METTL24: variants seen among roughly 807,000 people sequenced by gnomAD.
METTL24 encodes the protein methyltransferase like 24, also known as probable methyltransferase-like protein 24.
METTL24 carries 29 observed loss-of-function variants against 32.7 expected under a neutral mutation model. The ratio of observed to expected loss-of-function variants is 0.89; its 90% CI spans 0.66 to 1.21. The LOEUF (loss-of-function observed/expected upper bound fraction) is 1.21, where lower values mean the gene tolerates loss of function less well. Ranked by LOEUF, METTL24 falls within the 50% of genes most tolerant of loss-of-function variation. The probability of loss-of-function intolerance (pLI) is 0.00; values close to 1 mark genes in which losing one functional copy is unlikely to be tolerated. For synonymous variants in METTL24, 163 were observed against 179.5 expected (o/e 0.91, Z 0.73); for missense variants, 439 against 468.1 (o/e 0.94, Z 0.57).
intron 4 of METTL24, among the ~76,000 whole-genome samples, chr6:110,294,541 A>C (rs1771376712): frequency 6.6e-6 from 1 of 152,066 alleles, no homozygotes; most frequent in Non-Finnish European, 1.5e-5. Context: ...GTTAGTCCCA[A>C]TATGCCAGTA....
chr6:110,321,559 G>T (rs771280679), intron 2 of METTL24, among the ~76,000 whole-genome samples: 1 of 152,150 alleles, frequency 6.6e-6, no homozygotes. Context: ...TATCGTTCAT[G>T]TAAAATCAAA....
intron 4 of METTL24, among the ~76,000 whole-genome samples, chr6:110,288,225 T>G (rs1771258301): frequency 6.6e-6 from 1 of 152,116 alleles, no homozygotes; most frequent in South Asian, 2.1e-4. Context: ...CTGGTCCTGT[T>G]TCTCCAAGAG....
chr6:110,268,516 T>G (rs1391867613), intron 4 of METTL24, among the ~76,000 whole-genome samples: 3 of 152,218 alleles, frequency 2.0e-5, no homozygotes, highest in Non-Finnish European at 4.4e-5. Context: ...ACTTCCAGCA[T>G]GTGCATGGCC....
chr6:110,307,373 T>C (rs115933605), intron 3 of METTL24, among the ~76,000 whole-genome samples: 1,805 of 152,356 alleles, frequency 0.012, 41 homozygotes, highest in African/African-American at 0.04. Flanking sequence ...GTTCTGCTGC[T>C]ATTTAACTAG....
intron 3 of METTL24, among the ~76,000 whole-genome samples, chr6:110,300,077 A>G (rs1479029577): frequency 6.6e-6 from 1 of 152,188 alleles, no homozygotes; most frequent in East Asian, 1.9e-4. Flanking sequence ...TTGTAAGTGG[A>G]TGTTTTTCAA....
intron 2 of METTL24, among the ~76,000 whole-genome samples, chr6:110,317,673 C>A (rs1224713415): frequency 6.6e-6 from 1 of 152,050 alleles, no homozygotes; most frequent in Non-Finnish European, 1.5e-5. Flanking sequence ...TCCCTAAACA[C>A]CTCCATAATG....
chr6:110,306,714 T>C (rs1397410642), intron 3 of METTL24, among the ~76,000 whole-genome samples: 1 of 152,202 alleles, frequency 6.6e-6, no homozygotes, highest in Non-Finnish European at 1.5e-5. Flanking sequence ...TCTTCAAGCA[T>C]AGTTGAAATT....
At chr6:110,339,592 T>C (rs984461346) in intron 1 of METTL24, among the ~76,000 whole-genome samples, 4 of 152,196 alleles carry the variant, frequency 2.6e-5, no homozygotes, top group African/African-American at 7.2e-5. Context: ...GTGGGTGATA[T>C]AGTATAGATG....
At chr6:110,294,646 G>A (rs9481052) in intron 4 of METTL24, among the ~76,000 whole-genome samples, 27,917 of 151,946 alleles carry the variant, frequency 0.18, 6,088 homozygotes, top group African/African-American at 0.53. Context: ...TATATTGAAT[G>A]CACTGCTCTT....
chr6:110,268,666 T>C lies in METTL24; in HGVS notation c.787-22406A>G, dbSNP rs1222919987. Among the ~76,000 whole-genome samples, 6 of 152,168 alleles carry C rather than the reference T, an allele frequency of 3.9e-5. No individual in the cohort carries two copies. In the South Asian group the frequency reaches 1.2e-3, roughly 32 times the overall value. On this transcript the variant is annotated intron_variant, in intron 4 of 4. Transcript: ENST00000338882. ...CACCTCCTTGTTCCATGGACTTTTT[T>C]TTAGAGTAATGACATTGCCATTCCT... is the stretch of plus-strand genomic sequence containing the variant.
chr6:110,330,183 G>A (rs1045714153), intron 1 of METTL24, among the ~76,000 whole-genome samples: 3 of 152,088 alleles, frequency 2.0e-5, no homozygotes, highest in African/African-American at 7.2e-5. Flanking sequence ...TCCTTTCTCC[G>A]TTCTTGCAAG....
At chr6:110,315,744 G>T (rs1027960171) in intron 2 of METTL24, among the ~76,000 whole-genome samples, 1 of 152,180 alleles carries the variant, frequency 6.6e-6, no homozygotes, top group Non-Finnish European at 1.5e-5. Flanking sequence ...TGTGCACAGG[G>T]TGTGCAGGAG....
intron 4 of METTL24, among the ~76,000 whole-genome samples, chr6:110,296,535 A>G (rs749408791): frequency 1.3e-5 from 2 of 152,228 alleles, no homozygotes; most frequent in Admixed American, 6.5e-5. Context: ...TTTTAAAAGC[A>G]GTACAAAAGC....
chr6:110,256,619 C>G (rs888759257), intron 4 of METTL24, among the ~76,000 whole-genome samples: 36 of 152,298 alleles, frequency 2.4e-4, no homozygotes, highest in Non-Finnish European at 2.5e-4. Flanking sequence ...CACCCTCCCC[C>G]TGGCCTTCCA....
At chr6:110,344,868 G>A (rs571001807) in intron 1 of METTL24, among the ~76,000 whole-genome samples, 35 of 152,318 alleles carry the variant, frequency 2.3e-4, no homozygotes, top group Admixed American at 1.2e-3. Context: ...ACACAGGAAC[G>A]AGCAAAGACT....
At chr6:110,337,712 C>A (rs575617857) in intron 1 of METTL24, among the ~76,000 whole-genome samples, 1 of 152,222 alleles carries the variant, frequency 6.6e-6, no homozygotes, top group Non-Finnish European at 1.5e-5. Context: ...ACTTTTCCTC[C>A]TGCCCAGAAT....
rs536002208 is a variant in METTL24, at chr6:110,269,511, T to C, written c.787-23251A>G. Among the ~76,000 whole-genome samples the C allele has an allele frequency of 6.6e-5, 10 of 152,318 alleles. No homozygotes were observed. In the East Asian group the frequency reaches 1.5e-3, roughly 23 times the overall value. On this transcript the variant is annotated intron_variant, in intron 4 of 4. Coordinates refer to ENST00000338882, the MANE Select transcript of METTL24 (RefSeq NM_001123364.3). ...GCTGTCCCGAGACTTTTTGATCCCA[T>C]AGTAGTAAAAATGCACCCACACAAT...
At chr6:110,318,884 G>C (rs1771877927) in intron 2 of METTL24, among the ~76,000 whole-genome samples, 1 of 152,060 alleles carries the variant, frequency 6.6e-6, no homozygotes, top group Non-Finnish European at 1.5e-5. Flanking sequence ...AAATAAGTGA[G>C]GGCAGTAACT....
intron 4 of METTL24, among the ~76,000 whole-genome samples, chr6:110,263,186 G>A (rs1770782621): frequency 6.6e-6 from 1 of 152,170 alleles, no homozygotes; most frequent in South Asian, 2.1e-4. Context: ...AATTGTCCCT[G>A]TTTGCAGATG....
Sources: allele counts gnomAD v4.1 joint callset (sites outside exome capture counted in the v4.1 genomes callset), GRCh38; gene constraint gnomAD v4.1.1; transcripts MANE v1.5; gene names NCBI Gene and HGNC (gene_info 2026-07-23, HGNC 2026-07-21).